The following ADGRV1 variants were observed in gnomAD, a reference collection of about 807,000 sequenced individuals.
ADGRV1 encodes the protein adhesion G protein-coupled receptor V1.
Under a neutral mutation model 596.2 loss-of-function variants are expected in ADGRV1, and 359 were observed. The ratio of observed to expected loss-of-function variants is 0.60; its 90% CI spans 0.55 to 0.66. The LOEUF is 0.66. ADGRV1 is among the 30% of genes least tolerant of loss of function. ADGRV1 has a pLI of 0.00. For missense variants in ADGRV1, 7,274 were observed against 7,575.6 expected, an observed-to-expected ratio of 0.96 and a Z score of 1.48; for synonymous variants, 2,681 against 2,679.2, an observed-to-expected ratio of 1.00 and a Z score of -0.02.
intron 48 of ADGRV1, among the ~76,000 whole-genome samples, chr5:90,728,431 T>C (rs1484846002): frequency 1.3e-5 from 2 of 152,228 alleles, no homozygotes; most frequent in African/African-American, 4.8e-5. Context: ...TTCTCTTTCA[T>C]TCACTCTGTG....
intron 87 of ADGRV1, among the ~76,000 whole-genome samples, chr5:91,124,030 C>T (rs1397900225): frequency 6.6e-6 from 1 of 152,100 alleles, no homozygotes; most frequent in Non-Finnish European, 1.5e-5. Flanking sequence ...AAGGAGAAGG[C>T]CTTGAAACGT....
intron 77 of ADGRV1, among the ~76,000 whole-genome samples, chr5:90,829,643 A>G (rs1025355655): frequency 1.3e-5 from 2 of 152,094 alleles, no homozygotes; most frequent in African/African-American, 4.8e-5. Flanking sequence ...CACTTTTTTC[A>G]CATCCATCCT....
chr5:90,581,656 C>T (rs562908891), intron 1 of ADGRV1, among the ~76,000 whole-genome samples: 21 of 152,274 alleles, frequency 1.4e-4, no homozygotes, highest in African/African-American at 9.6e-5. Flanking sequence ...AGGTGTCTGT[C>T]GGCCCCTACT....
At chr5:90,908,374 C>T (rs1310234663) in intron 83 of ADGRV1, among the ~76,000 whole-genome samples, 2 of 152,134 alleles carry the variant, frequency 1.3e-5, no homozygotes, top group African/African-American at 4.8e-5. Context: ...GTGTTTCAGA[C>T]AATTCAATTG....
rs755865920 is a variant in ADGRV1 at position 90,642,746 on chromosome 5, G to A, written c.2351G>A (p.Gly784Glu). The change falls in exon 12 of 90, where the codon GGA (glycine) becomes GAA (glutamate). Residue 784 changes from glycine to glutamate, a missense_variant. By Grantham distance (98) the Gly-to-Glu change is moderately conservative. Transcript: ENST00000405460. ...TTTGAATTTTCTCCTGCTTCCAGAG[G>A]ACCCTATGTTATAAAAGTAAGTACG... ...GVFEFSPASR[G>E]PYVIKEGESV... 1.9e-6 allele frequency: 3 copies of A among 1,612,288 alleles called. No homozygotes were observed. Among genetic ancestry groups the A allele is most frequent in the Non-Finnish European group, 2.5e-6 (3 of 1,179,236 alleles).
At chr5:90,773,662 T>C (rs1757926285) in intron 59 of ADGRV1, among the ~76,000 whole-genome samples, 1 of 152,228 alleles carries the variant, frequency 6.6e-6, no homozygotes, top group African/African-American at 2.4e-5. Flanking sequence ...TTCTTGTGAA[T>C]TAGGCCCTTT....
chr5:91,044,728 A>G (rs755224452), intron 85 of ADGRV1, among the ~76,000 whole-genome samples: 14 of 152,170 alleles, frequency 9.2e-5, no homozygotes, highest in Non-Finnish European at 1.3e-4. Context: ...TTATTTAGGT[A>G]CACGCTGTCA....
At chr5:90,668,709 CA>C (rs1169376774) in intron 21 of ADGRV1, among the ~76,000 whole-genome samples, 1 of 151,942 alleles carries the variant, frequency 6.6e-6, no homozygotes, top group Non-Finnish European at 1.5e-5. Flanking sequence ...CTTTATTGTA[CA>C]AAATATTCAT....
intron 87 of ADGRV1, among the ~76,000 whole-genome samples, chr5:91,122,967 C>T (rs565938032): frequency 2.0e-5 from 3 of 152,280 alleles, no homozygotes; most frequent in East Asian, 1.9e-4. Context: ...ACTCCTGGAG[C>T]GAAAGTGAAC....
intron 21 of ADGRV1, among the ~76,000 whole-genome samples, chr5:90,660,038 A>AG (rs1340384957): frequency 1.3e-5 from 2 of 152,112 alleles, no homozygotes; most frequent in African/African-American, 2.4e-5. Context: ...CAGAGAAAAA[A>AG]AAAAAGAAAA....
At chr5:90,803,088 T>G (rs1206010166) in intron 71 of ADGRV1, among the ~76,000 whole-genome samples, 2 of 152,056 alleles carry the variant, frequency 1.3e-5, no homozygotes, top group Non-Finnish European at 2.9e-5. Context: ...AAAAGAGATA[T>G]GTCCATATCT....
intron 85 of ADGRV1, among the ~76,000 whole-genome samples, chr5:91,004,651 T>C (rs16869328): frequency 0.14 from 21,042 of 152,170 alleles, 1,961 homozygotes; most frequent in African/African-American, 0.24. Context: ...CTGGATATAG[T>C]TGAGTTGTTT....
intron 86 of ADGRV1, among the ~76,000 whole-genome samples, chr5:91,098,680 G>GA (rs1423261000): frequency 6.6e-6 from 1 of 151,724 alleles, no homozygotes; most frequent in Non-Finnish European, 1.5e-5. Flanking sequence ...CTTTTCTGCA[G>GA]AATTCCAGGA....
At chr5:90,639,557 T>C (rs1194040229) in intron 11 of ADGRV1, among the ~76,000 whole-genome samples, 1 of 152,136 alleles carries the variant, frequency 6.6e-6, no homozygotes, top group African/African-American at 2.4e-5. Context: ...AAATAGTACA[T>C]AGTAAAAAAA....
chr5:90,823,293 G>A (rs1456393748), intron 75 of ADGRV1, 132 bp from the exon 76 acceptor site: 1 of 873,848 alleles, frequency 1.1e-6, no homozygotes, highest in Admixed American at 2.8e-5. Context: ...GGTAAAGTAA[G>A]TGCTATACTT....
intron 27 of ADGRV1, among the ~76,000 whole-genome samples, chr5:90,682,864 CCTT>C (rs1285055360): frequency 3.9e-5 from 6 of 152,146 alleles, no homozygotes; most frequent in Non-Finnish European, 5.9e-5. Context: ...AGCATATCTT[CCTT>C]CTTAAATGTA....
In ADGRV1 at chr5:90,637,921, A is replaced by C; in HGVS notation, c.2213A>C (p.Asn738Thr). 1 of 1,613,170 alleles carries C rather than the reference A, an allele frequency of 6.2e-7. No homozygotes were observed. The highest frequency in any genetic ancestry group is 8.5e-7 in the Non-Finnish European group (1 of 1,179,332). ...AAAGGTGATGACATACCGGAAATGA[A>C]TGAAACTGTAACACTTTCTCTAGAC... ...TIKGDDIPEM[N>T]ETVTLSLDRV... Residue 738 changes from asparagine to threonine, a missense_variant, in exon 11 of 90, where the codon AAT (asparagine) becomes ACT (threonine). This residue lies in a region of ADGRV1 where 1,715 missense variants were observed against 1,708.8 expected (regional missense o/e 1.00). Coordinates refer to ENST00000405460, the MANE Select transcript of ADGRV1 (RefSeq NM_032119.4).
chr5:90,755,294 T>C (rs1281378630), intron 55 of ADGRV1, 109 bp downstream of exon 55: 1 of 698,522 alleles, frequency 1.4e-6, no homozygotes, highest in Non-Finnish European at 2.3e-6. Context: ...AGGATTCTTT[T>C]AAACATAAAA....
intron 83 of ADGRV1, among the ~76,000 whole-genome samples, chr5:90,958,810 A>T (rs910976359): frequency 1.3e-5 from 2 of 152,208 alleles, no homozygotes; most frequent in Non-Finnish European, 1.5e-5. Flanking sequence ...ATACAGTTAC[A>T]TACTGAAGTA....
Sources: gnomAD v4.1 joint callset for allele counts (sites outside exome capture counted in the v4.1 genomes callset) on GRCh38, gnomAD v4.1.1 for gene constraint, gnomAD v4.1.1 regional missense constraint, MANE v1.5 for transcripts, NCBI Gene and HGNC (gene_info 2026-07-23, HGNC 2026-07-21) for gene names.